Variants in PDSS2 observed in about 807,000 individuals in gnomAD.
PDSS2 encodes the protein decaprenyl diphosphate synthase subunit 2.
Under a neutral mutation model 44.5 loss-of-function variants are expected in PDSS2, and 31 were observed. The ratio of observed to expected loss-of-function variants is 0.70; its 90% CI spans 0.52 to 0.94. PDSS2 has a LOEUF of 0.94. PDSS2 is among the 40% of genes least tolerant of loss of function. The probability of loss-of-function intolerance (pLI) is 0.00; values close to 1 mark genes in which losing one functional copy is unlikely to be tolerated. For synonymous variants in PDSS2, 157 were observed against 180.3 expected, an observed-to-expected ratio of 0.87 and a Z score of 1.03; for missense variants, 452 against 482.2, an observed-to-expected ratio of 0.94 and a Z score of 0.59.
At chr6:107,457,435 C>T (rs207467356) in intron 1 of PDSS2, among the ~76,000 whole-genome samples, 2 of 152,154 alleles carry the variant, frequency 1.3e-5, no homozygotes, top group South Asian at 4.1e-4. Context: ...AGAAAAAGGT[C>T]CTTTTAGTCC....
At chr6:107,287,372 T>C (rs1776189580) in intron 2 of PDSS2, among the ~76,000 whole-genome samples, 1 of 152,162 alleles carries the variant, frequency 6.6e-6, no homozygotes, top group Non-Finnish European at 1.5e-5. Flanking sequence ...TCCCTGAATA[T>C]ACTACTGTAT....
At chr6:107,264,244 A>G (rs1418525515) in intron 3 of PDSS2, 6 of 1,293,412 alleles carry the variant, frequency 4.6e-6, no homozygotes, top group Non-Finnish European at 6.0e-6. Context: ...TTATATGCAT[A>G]AATTGAGCAT....
intron 7 of PDSS2, among the ~76,000 whole-genome samples, chr6:107,189,293 C>T (rs921542431): frequency 2.6e-5 from 4 of 152,074 alleles, no homozygotes; most frequent in African/African-American, 4.8e-5. Flanking sequence ...AGTGCTCCTG[C>T]CTTGGCTTCC....
At chr6:107,444,987 A>T (rs1781624111) in intron 1 of PDSS2, among the ~76,000 whole-genome samples, 1 of 152,198 alleles carries the variant, frequency 6.6e-6, no homozygotes, top group African/African-American at 2.4e-5. Context: ...AAATCTGTCA[A>T]GAGTAATCAA....
In PDSS2 at chr6:107,422,253, T is replaced by C. The variant is rs1224084189; in HGVS notation, c.296+36737A>G. Among the ~76,000 whole-genome samples the C allele has an allele frequency of 5.3e-5, 8 of 152,028 alleles. No individual in the cohort carries two copies. In the East Asian group the frequency reaches 1.2e-3, roughly 22 times the overall value. Reference sequence around the variant, plus strand: ...ACCACATAACAAAAAAGACTCAATCTCATTAGTATTCAAATACTAATATTA... The same window carrying C: ...ACCACATAACAAAAAAGACTCAATCCCATTAGTATTCAAATACTAATATTA... On this transcript the variant is annotated intron_variant, in intron 1 of 7. Transcript: ENST00000369037.
At chr6:107,348,350 G>A (rs1477224155) in intron 1 of PDSS2, among the ~76,000 whole-genome samples, 1 of 152,152 alleles carries the variant, frequency 6.6e-6, no homozygotes, top group African/African-American at 2.4e-5. Context: ...TCAAAATCAG[G>A]ACAACTTGAC....
chr6:107,347,312 G>T (rs1778283498), intron 1 of PDSS2, among the ~76,000 whole-genome samples: 1 of 145,118 alleles, frequency 6.9e-6, no homozygotes, highest in Non-Finnish European at 1.5e-5. Flanking sequence ...GCCTAGGCTG[G>T]AGTGCAGTGG....
chr6:107,442,235 G>A (rs1450613238), intron 1 of PDSS2, among the ~76,000 whole-genome samples: 1 of 152,058 alleles, frequency 6.6e-6, no homozygotes, highest in Admixed American at 6.5e-5. Flanking sequence ...TGACCAACAT[G>A]GTAAAACCCT....
intron 6 of PDSS2, among the ~76,000 whole-genome samples, chr6:107,202,676 T>TAA: frequency 6.6e-6 from 1 of 152,132 alleles, no homozygotes; most frequent in Non-Finnish European, 1.5e-5. Flanking sequence ...TTAACACCAT[T>TAA]CACACCTGGA....
At chr6:107,223,528 C>A (rs930546839) in intron 4 of PDSS2, among the ~76,000 whole-genome samples, 4 of 150,804 alleles carry the variant, frequency 2.7e-5, no homozygotes, top group Admixed American at 2.6e-4. Flanking sequence ...GAGTGAGACT[C>A]CATCTCAAAA....
At chr6:107,448,993 C>T (rs1781778677) in intron 1 of PDSS2, among the ~76,000 whole-genome samples, 1 of 152,226 alleles carries the variant, frequency 6.6e-6, no homozygotes, top group African/African-American at 2.4e-5. Context: ...GAGTCCCTCC[C>T]ACGTGGGGAT....
intron 1 of PDSS2, among the ~76,000 whole-genome samples, chr6:107,352,655 C>A (rs2115340552): frequency 6.6e-6 from 1 of 152,166 alleles, no homozygotes; most frequent in South Asian, 2.1e-4. Context: ...CTATTTCTAC[C>A]AGAAAAAAAA....
rs370360386 is a variant in PDSS2, at chr6:107,316,442, A to C, written c.431+17756T>G. On this transcript the variant is annotated intron_variant, in intron 2 of 7. Transcript: ENST00000369037. ...TCAGGTGTAATCAGATACTTACAAA[A>C]GGTTGCTTTTTTTTTTAAATGTAAA... Among the ~76,000 whole-genome samples, 6 of 152,232 alleles carry C rather than the reference A, an allele frequency of 3.9e-5. No individual in the cohort carries two copies. The East Asian group carries it at 7.7e-4, about 20-fold the overall frequency.
chr6:107,399,358 G>A (rs1477005195), intron 1 of PDSS2, among the ~76,000 whole-genome samples: 2 of 152,170 alleles, frequency 1.3e-5, no homozygotes, highest in Non-Finnish European at 2.9e-5. Context: ...AGTCTCACCT[G>A]TCCAACTGCT....
chr6:107,226,510 A>T (rs889768232), intron 4 of PDSS2, among the ~76,000 whole-genome samples: 1 of 152,092 alleles, frequency 6.6e-6, no homozygotes, highest in African/African-American at 2.4e-5. Flanking sequence ...GTGTGTTCCA[A>T]GCTGCAAGGA....
At chr6:107,376,810 T>C (rs867263786) in intron 1 of PDSS2, among the ~76,000 whole-genome samples, 22 of 152,294 alleles carry the variant, frequency 1.4e-4, no homozygotes, top group African/African-American at 3.4e-4. Flanking sequence ...ATAGGAGTGG[T>C]GAGAGAGGGC....
intron 3 of PDSS2, 92 bp downstream of exon 3, chr6:107,273,937 G>C: frequency 1.1e-6 from 1 of 917,866 alleles, no homozygotes; most frequent in Non-Finnish European, 1.8e-6. Context: ...GAGGGGAGTT[G>C]GGGCAGCCGG....
At chr6:107,426,484 A>T (rs185500235) in intron 1 of PDSS2, among the ~76,000 whole-genome samples, 3 of 152,314 alleles carry the variant, frequency 2.0e-5, no homozygotes, top group African/African-American at 7.2e-5. Context: ...CTCCACAAAA[A>T]GTCCCTACTG....
At position 107,334,762 on chromosome 6, in the gene PDSS2, G is replaced by A. The variant is rs536855034; in HGVS notation, c.297-430C>T. ...AGAGTCTTGCTATGTTGCCCAGACT[G>A]GTCTTGAACTCCTGGACACAAGCAA... On this transcript the variant is annotated intron_variant, in intron 1 of 7. Coordinates refer to ENST00000369037, the MANE Select transcript of PDSS2 (RefSeq NM_020381.4). Among the ~76,000 whole-genome samples the A allele has an allele frequency of 2.3e-3, 344 of 150,268 alleles. 5 individuals are homozygous for A. Among genetic ancestry groups the A allele is most frequent in the African/African-American group, 8.2e-3 (337 of 40,856 alleles).
Sources: gnomAD v4.1 joint callset for allele counts (sites outside exome capture counted in the v4.1 genomes callset) on GRCh38, gnomAD v4.1.1 for gene constraint, MANE v1.5 for transcripts, NCBI Gene and HGNC (gene_info 2026-07-23, HGNC 2026-07-21) for gene names.